SLC12A7: variants seen among roughly 807,000 people sequenced by gnomAD.
SLC12A7 encodes K-Cl cotransporter 4.
In SLC12A7, 100 loss-of-function variants were observed where a neutral mutation model predicts 120.6. The ratio of observed to expected loss-of-function variants is 0.83; its 90% CI spans 0.71 to 0.98. SLC12A7 has a LOEUF of 0.98. SLC12A7 is among the 50% of genes least tolerant of loss of function. SLC12A7 has a pLI of 0.00. For missense variants in SLC12A7, 1,373 were observed against 1,548.1 expected (o/e 0.89, Z 1.90); for synonymous variants, 760 against 678.0 (o/e 1.12, Z -1.88).
chr5:1,062,990 C>T lies in SLC12A7; in HGVS notation c.2739+854G>A, dbSNP rs186169062. On this transcript the variant is annotated intron_variant, in intron 20 of 23. Transcript: ENST00000264930. ...AAAGTCCCGGGACCGCCAGCAGGAC[C>T]GGAGGGGAAGGCACAGCCGTGGATC... 7.4e-3 allele frequency: 1,142 copies of T among 153,364 alleles called. 8 individuals carry two copies. Among genetic ancestry groups the T allele is most frequent in the Admixed American group, 0.012 (178 of 15,308 alleles). The allele number at this position is 153,364 out of a possible 1,614,324, so 9.5% of individuals were successfully genotyped here.
chr5:1,105,418 G>A (rs1314711862), intron 1 of SLC12A7, among the ~76,000 whole-genome samples: 1 of 152,228 alleles, frequency 6.6e-6, no homozygotes, highest in African/African-American at 2.4e-5. Context: ...CCTCCCCACA[G>A]GGATGAGGTC....
chr5:1,053,560 TGAGCTGCATTCACAC>T, intron 22 of SLC12A7, 78 bp from the exon 23 acceptor site: 1 of 1,543,536 alleles, frequency 6.5e-7, no homozygotes, highest in South Asian at 1.2e-5. Context: ...TGAGCCCTGA[TGAGCTGCATTCACAC>T]GTGTTGGAAA....
intron 8 of SLC12A7, 116 bp from the exon 9 acceptor site, chr5:1,081,860 T>C (rs1739163142): frequency 3.3e-6 from 4 of 1,221,964 alleles, no homozygotes; most frequent in Non-Finnish European, 4.6e-6. Context: ...GGGTCACAGC[T>C]TGTGCGCCGC....
At chr5:1,053,597 G>A (rs923587848) in intron 22 of SLC12A7, 115 bp from the exon 23 acceptor site, 106 of 1,343,434 alleles carry the variant, frequency 7.9e-5, no homozygotes, top group Non-Finnish European at 9.8e-5. Flanking sequence ...GGCTGTGTGA[G>A]TCAGGATCAG....
At chr5:1,135,357 G>C in the SLC12A7 span, among the ~76,000 whole-genome samples, 1 of 151,444 alleles carries the variant, frequency 6.6e-6, no homozygotes, top group Admixed American at 6.6e-5. Context: ...ACCATGCTCC[G>C]TTTTCCAGGG....
chr5:1,095,140 C>T (rs907521295), intron 1 of SLC12A7, among the ~76,000 whole-genome samples: 9 of 148,330 alleles, frequency 6.1e-5, no homozygotes, highest in African/African-American at 2.0e-4. Flanking sequence ...GCAGAGCTGT[C>T]GCCCTCCCAC....
intron 9 of SLC12A7, among the ~76,000 whole-genome samples, chr5:1,080,429 C>T (rs1048536253): frequency 6.6e-6 from 1 of 152,222 alleles, no homozygotes; most frequent in Non-Finnish European, 1.5e-5. Flanking sequence ...GCAAGACGGG[C>T]CCACCTTCAG....
chr5:1,075,445 G>A lies in SLC12A7; in HGVS notation c.1893C>T (p.Phe631=). 1 of 1,612,598 alleles carries A rather than the reference G, an allele frequency of 6.2e-7. No individual in the cohort carries two copies. The highest frequency in any genetic ancestry group is 8.5e-7 in the Non-Finnish European group (1 of 1,179,674). Reference sequence around the variant, plus strand: ...ACAGCGCGTAGTACCAGGAGCAGATGAACATCAGCGCCAGGCACAGGCTCA... The same window carrying A: ...ACAGCGCGTAGTACCAGGAGCAGATAAACATCAGCGCCAGGCACAGGCTCA... ...LGMSLCLALM[F]ICSWYYALSA... is the part of the protein sequence containing the mutation. Residue 631 remains phenylalanine, a synonymous_variant, in exon 15 of 24, where the codon TTC becomes TTT. Coordinates refer to ENST00000264930, the MANE Select transcript of SLC12A7 (RefSeq NM_006598.3).
At position 1,076,157 on chromosome 5, in the gene SLC12A7, G is replaced by A. The variant is rs771733188; in HGVS notation, c.1828C>T (p.Arg610Cys). The A allele has an allele frequency of 1.1e-5, 18 of 1,611,500 alleles. No individual in the cohort carries two copies. Among genetic ancestry groups the A allele is most frequent in the South Asian group, 4.4e-5 (4 of 90,664 alleles). ...CCTCACCAGTGGTAGAACTTGAAGC[G>A]TGGACGCCAGTTGGGGGTACGTAGC... ...TLLRTPNWRPRFKFYHWTLSF... is the reference protein window; with the variant it reads ...TLLRTPNWRPCFKFYHWTLSF... The change falls in exon 14 of 24, where the codon CGC (arginine) becomes TGC (cysteine). Residue 610 changes from arginine to cysteine, a missense_variant. By Grantham distance (180) the Arg-to-Cys change is radical (BLOSUM62 -3). Transcript: ENST00000264930.
At chr5:1,091,620 A>C (rs763310340) in intron 3 of SLC12A7, among the ~76,000 whole-genome samples, 1 of 152,218 alleles carries the variant, frequency 6.6e-6, no homozygotes, top group Non-Finnish European at 1.5e-5. Flanking sequence ...GTGAAACCCC[A>C]GAAAGGTGCT....
the SLC12A7 span, among the ~76,000 whole-genome samples, chr5:1,149,327 A>T: frequency 2.0e-5 from 3 of 152,242 alleles, no homozygotes; most frequent in Non-Finnish European, 2.9e-5. Context: ...CTGTAATCCC[A>T]GCACTTTGGG....
intron 2 of SLC12A7, 51 bp downstream of exon 2, chr5:1,094,103 C>T (rs1388838157): frequency 6.7e-7 from 1 of 1,499,704 alleles, no homozygotes; most frequent in Non-Finnish European, 9.3e-7. Context: ...TTTACTTTTC[C>T]ACATCAAAGC....
chr5:1,060,699 C>G (rs1417045610), intron 20 of SLC12A7, among the ~76,000 whole-genome samples: 2 of 152,204 alleles, frequency 1.3e-5, no homozygotes, highest in Non-Finnish European at 2.9e-5. Flanking sequence ...CGACCGGGCA[C>G]AAGGGCAGCT....
upstream of SLC12A7, among the ~76,000 whole-genome samples, chr5:1,115,190 C>T (rs1009293377): frequency 5.3e-5 from 8 of 152,198 alleles, no homozygotes; most frequent in Admixed American, 2.6e-4. Context: ...GCCTCTTGGC[C>T]GTGTGCAGGG....
chr5:1,154,352 G>T, the SLC12A7 span, among the ~76,000 whole-genome samples: 1 of 84,704 alleles, frequency 1.2e-5, no homozygotes, highest in Non-Finnish European at 2.4e-5. Context: ...ACTGGTGTCC[G>T]CAACACACAC....
intron 8 of SLC12A7, among the ~76,000 whole-genome samples, chr5:1,082,529 A>G (rs866822443): frequency 1.2e-3 from 93 of 75,070 alleles, no homozygotes; most frequent in African/African-American, 1.4e-3. Context: ...TTCCCGTCTC[A>G]GGTTCTGGAA....
chr5:1,067,760 C>T (rs964892100), intron 17 of SLC12A7, among the ~76,000 whole-genome samples: 4 of 152,334 alleles, frequency 2.6e-5, no homozygotes, highest in Admixed American at 6.5e-5. Flanking sequence ...CAGGAGGACG[C>T]GGCACTGCCC....
chr5:1,118,339 G>A, the SLC12A7 span, among the ~76,000 whole-genome samples: 719 of 152,348 alleles, frequency 4.7e-3, 1 homozygote, highest in African/African-American at 0.016. Flanking sequence ...GGTTACATGA[G>A]GGGGAGTCCA....
intron 10 of SLC12A7, 126 bp from the exon 11 acceptor site, chr5:1,078,884 C>T (rs147552078): frequency 1.9e-5 from 14 of 733,490 alleles, no homozygotes; most frequent in African/African-American, 5.1e-5. Flanking sequence ...TCCAGGTGGG[C>T]GGGGACCGTT....
Sources: gnomAD v4.1 joint callset for allele counts (sites outside exome capture counted in the v4.1 genomes callset) on GRCh38, gnomAD v4.1.1 for gene constraint, MANE v1.5 for transcripts, NCBI Gene and HGNC (gene_info 2026-07-23, HGNC 2026-07-21) for gene names.